LAMA5: variants seen among roughly 807,000 people sequenced by gnomAD.
LAMA5 encodes the protein laminin subunit alpha 5.
In LAMA5, 260 loss-of-function variants were observed where a neutral mutation model predicts 433.4. That is an observed-to-expected ratio of 0.60 (90% CI 0.54 to 0.66). The LOEUF is 0.66. Ranked by LOEUF, LAMA5 falls within the 30% of genes least tolerant of loss-of-function variation. The pLI, the probability that LAMA5 is intolerant of heterozygous loss-of-function variation, is 0.00. For missense variants in LAMA5, 5,378 were observed against 5,258.5 expected (o/e 1.02, Z -0.70); for synonymous variants, 2,620 against 2,226.6 (o/e 1.18, Z -4.97).
Position 62,312,060 on chromosome 20 carries a change from GCAGCCAGGT to G in LAMA5, c.9505-19_9505-11del. The G allele has an allele frequency of 6.2e-7, 1 of 1,610,766 alleles. No homozygotes were observed. The highest frequency in any genetic ancestry group is 1.1e-5 in the South Asian group (1 of 91,034). ...CCTGGCATAGCCCATCCTGGGGACG[GCAGCCAGGT>G]CAGCCGGCCGGCCTGGGGACCCAGA... On this transcript the variant is annotated splice_polypyrimidine_tract_variant and intron_variant, in intron 69 of 79. Transcript: ENST00000252999.
At chr20:62,357,010 G>A (rs1240867817) in intron 2 of LAMA5, among the ~76,000 whole-genome samples, 3 of 152,226 alleles carry the variant, frequency 2.0e-5, no homozygotes, top group African/African-American at 7.2e-5. Flanking sequence ...AAACTCTGGT[G>A]GGGCTTTCGG....
rs141753663 is a variant in LAMA5 at position 62,315,099 on chromosome 20, C to T, written c.7976G>A (p.Arg2659Gln). The T allele has an allele frequency of 2.3e-4, 368 of 1,606,044 alleles. No homozygotes were observed. The highest frequency in any genetic ancestry group is 2.8e-4 in the Non-Finnish European group (327 of 1,179,656). The change falls in exon 59 of 80, where the codon CGG becomes CAG. Residue 2659 changes from arginine to glutamine, a missense_variant. By Grantham distance (43) the Arg-to-Gln change is conservative. Coordinates refer to ENST00000252999, the MANE Select transcript of LAMA5 (RefSeq NM_005560.6). ...CAGGCCCTCGTACTGGCCCTGCCAC[C>T]GCTCCACATTCTCCTGCATGGCCTG... ...QLQAMQENVE[R>Q]WQGQYEGLRG... is the part of the protein sequence containing the mutation.
At chr20:62,327,824 G>C in intron 36 of LAMA5, 42 bp downstream of exon 36, 1 of 1,584,040 alleles carries the variant, frequency 6.3e-7, no homozygotes, top group Non-Finnish European at 8.6e-7. Flanking sequence ...CAGCTGATGA[G>C]GCCGGAGGGA....
chr20:62,316,346 T>G, intron 57 of LAMA5: 1 of 548,554 alleles, frequency 1.8e-6, no homozygotes, highest in Non-Finnish European at 3.3e-6. Flanking sequence ...AGCTCACACC[T>G]TTCTCATTGC....
intron 11 of LAMA5, 89 bp from the exon 12 acceptor site, chr20:62,338,697 A>C: frequency 3.2e-5 from 41 of 1,293,710 alleles, no homozygotes; most frequent in Non-Finnish European, 4.3e-5. Context: ...CCACAAACTC[A>C]TTTTCTTACA....
At position 62,353,379 on chromosome 20, in the gene LAMA5, G is replaced by T. The variant is rs565213487; in HGVS notation, c.451-128C>A. The T allele has an allele frequency of 2.4e-5, 16 of 666,860 alleles. No individual in the cohort carries two copies. In the African/African-American group the frequency reaches 2.8e-4, roughly 12 times the overall value. The allele number at this position is 666,860 out of a possible 1,614,324, so 41.3% of individuals were successfully genotyped here. A position where few individuals can be genotyped will look rare whatever the true frequency, so the allele number is the denominator to read the frequency against. ...ATGTGGCACCCTCGCCGCACAGGGG[G>T]CACCTCTGGGTTTGCCTGTGTGGGG... On this transcript the variant is annotated intron_variant, in intron 2 of 79. Transcript: ENST00000252999.
chr20:62,347,503 A>T (rs1983575215), intron 6 of LAMA5, among the ~76,000 whole-genome samples: 1 of 151,796 alleles, frequency 6.6e-6, no homozygotes, highest in Non-Finnish European at 1.5e-5. Flanking sequence ...GTCCATTTGC[A>T]CCCCCCAAGG....
rs527914113 is a variant in LAMA5, at chr20:62,310,805, G to A, written c.10306C>T (p.Arg3436Trp). The change falls in exon 75 of 80, where the codon CGG becomes TGG. Residue 3436 changes from arginine to tryptophan, a missense_variant. Transcript: ENST00000252999. ...HKVSVRWEKN[R>W]ILLVTDGARA... is the part of the protein sequence containing the mutation. ...GCCCCGTCCGTCACCAGCAGGATCC[G>A]GTTCTTCTCCCAGCGCACGGAGACC... The A allele has an allele frequency of 1.5e-5, 23 of 1,554,544 alleles. No individual in the cohort carries two copies. Among genetic ancestry groups the A allele is most frequent in the South Asian group, 7.2e-5 (6 of 83,632 alleles).
chr20:62,356,729 C>T (rs977567119), intron 2 of LAMA5, among the ~76,000 whole-genome samples: 8 of 152,180 alleles, frequency 5.3e-5, no homozygotes, highest in Non-Finnish European at 7.3e-5. Flanking sequence ...GGTTGTGCGG[C>T]CCTGGAGCGG....
At chr20:62,353,936 G>A (rs1003901383) in intron 2 of LAMA5, among the ~76,000 whole-genome samples, 6 of 152,042 alleles carry the variant, frequency 3.9e-5, no homozygotes, top group Non-Finnish European at 8.8e-5. Flanking sequence ...AGTCTGCCTC[G>A]GAGACTCCAC....
chr20:62,320,436 T>G (rs1987557472), intron 50 of LAMA5, 123 bp downstream of exon 50: 7 of 679,900 alleles, frequency 1.0e-5, no homozygotes, highest in Non-Finnish European at 1.8e-5. Context: ...ACTCTCGAGC[T>G]CCTGTCCCCT....
Position 62,323,821 on chromosome 20 carries a change from G to C in LAMA5, c.5804C>G (p.Thr1935Ser). 6.2e-7 allele frequency: 1 copy of C among 1,610,452 alleles called. No individual in the cohort carries two copies. The highest frequency in any genetic ancestry group is 8.5e-7 in the Non-Finnish European group (1 of 1,178,922). Reference protein sequence around the residue: ...AEGCVLRGGRTQCLCKPGYAG... With the variant: ...AEGCVLRGGRSQCLCKPGYAG... ...ATAACCAGGTTTGCAGAGGCACTGG[G>C]TGCGGCCGCCTCGCAGGACACAGCC... The change falls in exon 44 of 80, where the codon ACC (threonine) becomes AGC (serine). Residue 1935 changes from threonine to serine, a missense_variant. Coordinates refer to ENST00000252999, the MANE Select transcript of LAMA5 (RefSeq NM_005560.6).
At chr20:62,310,372 C>T (rs41310032) in intron 76 of LAMA5, 47 bp downstream of exon 76, 4 of 1,561,032 alleles carry the variant, frequency 2.6e-6, no homozygotes, top group African/African-American at 2.7e-5. Context: ...CCTCCTGGAG[C>T]CCCCTGCCCT....
chr20:62,365,365 C>A (rs1235474281), intron 1 of LAMA5, among the ~76,000 whole-genome samples: 1 of 152,256 alleles, frequency 6.6e-6, no homozygotes, highest in Non-Finnish European at 1.5e-5. Flanking sequence ...CAGAGGGAAG[C>A]CACACAGCTG....
chr20:62,350,181 C>T (rs972878407), intron 6 of LAMA5, among the ~76,000 whole-genome samples: 2 of 151,952 alleles, frequency 1.3e-5, no homozygotes, highest in Admixed American at 1.3e-4. Flanking sequence ...CCGGCTCCCG[C>T]GCCCTTCCTC....
intron 2 of LAMA5, among the ~76,000 whole-genome samples, chr20:62,361,456 C>A (rs1986122748): frequency 1.3e-5 from 2 of 152,184 alleles, no homozygotes; most frequent in Non-Finnish European, 2.9e-5. Flanking sequence ...GCCAAAGGTG[C>A]CTGCCCCTTG....
rs910686487 is a variant in LAMA5, at chr20:62,332,455, C to G, written c.3469G>C (p.Asp1157His). ...YSTLCRGTARDTQDHLAVFHL... is the reference protein window; with the variant it reads ...YSTLCRGTARHTQDHLAVFHL... Reference sequence around the variant, plus strand: ...AAGACAGCCAGGTGGTCCTGGGTATCCCGGGCAGTGCCCCGGCACAGGGTG... The same window carrying G: ...AAGACAGCCAGGTGGTCCTGGGTATGCCGGGCAGTGCCCCGGCACAGGGTG... The change falls in exon 28 of 80, where the codon GAT becomes CAT. Residue 1157 changes from aspartate (D) to histidine (H), a missense_variant. By Grantham distance (81) the Asp-to-His change is moderately conservative. Transcript: ENST00000252999. The G allele has an allele frequency of 6.2e-7, 1 of 1,612,662 alleles. No homozygotes were observed. Among genetic ancestry groups the G allele is most frequent in the South Asian group, 1.1e-5 (1 of 91,070 alleles).
chr20:62,340,991 A>T (rs1250038692), intron 11 of LAMA5, among the ~76,000 whole-genome samples: 1 of 152,040 alleles, frequency 6.6e-6, no homozygotes, highest in Admixed American at 6.6e-5. Flanking sequence ...GTGAGCCGAG[A>T]TCGTGCAACT....
chr20:62,367,111 C>T lies in LAMA5; in HGVS notation c.135G>A (p.Leu45=). ...AREEAGGGFS[L]HPPYFNLAEG... is the part of the protein sequence containing the mutation. ...CGGCCAGGTTGAAGTAGGGCGGGTGCAGGCTGAAGCCGCCGCCCGCCTCCT... is the reference window on the plus strand; with the variant it reads ...CGGCCAGGTTGAAGTAGGGCGGGTGTAGGCTGAAGCCGCCGCCCGCCTCCT... Residue 45 remains leucine (L), a synonymous_variant, in exon 1 of 80, where the codon CTG becomes CTA. Transcript: ENST00000252999. 2 of 1,276,808 alleles carry T rather than the reference C, an allele frequency of 1.6e-6. No individual in the cohort carries two copies. Among genetic ancestry groups the T allele is most frequent in the Non-Finnish European group, 2.0e-6 (2 of 1,014,290 alleles). The allele number at this position is 1,276,808 out of a possible 1,614,324, so 79.1% of individuals were successfully genotyped here. A position where few individuals can be genotyped will look rare whatever the true frequency, so the allele number is the denominator to read the frequency against.
Sources: gnomAD v4.1 joint callset for allele counts (sites outside exome capture counted in the v4.1 genomes callset) on GRCh38, gnomAD v4.1.1 for gene constraint, MANE v1.5 for transcripts, NCBI Gene and HGNC (gene_info 2026-07-23, HGNC 2026-07-21) for gene names.